PLPPR1: variants seen among roughly 807,000 people sequenced by gnomAD.
PLPPR1 encodes the protein phospholipid phosphatase-related protein type 1.
In PLPPR1, 10 loss-of-function variants were observed where a neutral mutation model predicts 33.1. The ratio of observed to expected loss-of-function variants is 0.30; its 90% CI spans 0.19 to 0.51. PLPPR1 has a LOEUF of 0.51. Ranked by LOEUF, PLPPR1 falls within the 20% of genes least tolerant of loss-of-function variation. PLPPR1 has a pLI of 0.97. For synonymous variants in PLPPR1, 151 were observed against 151.0 expected (o/e 1.00, Z 0.00); for missense variants, 304 against 408.1 (o/e 0.74, Z 2.20).
chr9:101,099,978 A>G (rs907004963), intron 1 of PLPPR1, among the ~76,000 whole-genome samples: 10 of 152,222 alleles, frequency 6.6e-5, no homozygotes, highest in African/African-American at 2.4e-4. Flanking sequence ...TTCTCAGTGT[A>G]TTGCAGTAAA....
intron 2 of PLPPR1, among the ~76,000 whole-genome samples, chr9:101,210,716 G>A (rs1457182172): frequency 1.3e-5 from 2 of 152,102 alleles, no homozygotes; most frequent in African/African-American, 4.8e-5. Context: ...ATTTTTAATT[G>A]TAATTGAACT....
intron 2 of PLPPR1, among the ~76,000 whole-genome samples, chr9:101,250,876 A>G (rs1337914405): frequency 1.3e-5 from 2 of 151,990 alleles, no homozygotes; most frequent in Non-Finnish European, 2.9e-5. Context: ...CACCTCCCCT[A>G]TTCTTTGGAG....
intron 2 of PLPPR1, among the ~76,000 whole-genome samples, chr9:101,237,979 C>CTATATATATATATATATATATA (rs367867610): frequency 1.1e-4 from 9 of 79,414 alleles, no homozygotes; most frequent in East Asian, 4.0e-4. Context: ...GCTATATAGC[C>CTATATATATATATATATATATA]TATATATATA....
chr9:101,164,429 C>T (rs1328260767), intron 1 of PLPPR1, among the ~76,000 whole-genome samples: 3 of 150,250 alleles, frequency 2.0e-5, no homozygotes, highest in African/African-American at 7.3e-5. Flanking sequence ...GAGGCACGAT[C>T]TTGGCTCATT....
At chr9:101,071,628 C>G (rs74415698) in intron 1 of PLPPR1, among the ~76,000 whole-genome samples, 55 of 100,330 alleles carry the variant, frequency 5.5e-4, no homozygotes, top group African/African-American at 1.4e-3. Context: ...GAGAGAGAGA[C>G]AGACAGAGAT....
At chr9:101,094,990 A>G (rs1214916763) in intron 1 of PLPPR1, among the ~76,000 whole-genome samples, 3 of 152,166 alleles carry the variant, frequency 2.0e-5, no homozygotes, top group African/African-American at 7.2e-5. Context: ...GCTGAACACA[A>G]GCTCCAGGCT....
chr9:101,210,476 C>T (rs753608375), intron 2 of PLPPR1, among the ~76,000 whole-genome samples: 8 of 152,080 alleles, frequency 5.3e-5, no homozygotes, highest in Non-Finnish European at 7.4e-5. Flanking sequence ...GCAGGGGGTA[C>T]TTGACTTTTT....
intron 1 of PLPPR1, among the ~76,000 whole-genome samples, chr9:101,029,742 G>A (rs948924761): frequency 6.6e-6 from 1 of 152,144 alleles, no homozygotes; most frequent in Admixed American, 6.5e-5. Context: ...TAAATGATGA[G>A]TTACTGACAG....
intron 7 of PLPPR1, among the ~76,000 whole-genome samples, chr9:101,321,583 G>C (rs531579369): frequency 3.9e-5 from 6 of 152,018 alleles, no homozygotes; most frequent in Admixed American, 6.6e-5. Context: ...CACTCACAAT[G>C]TACATGAGCA....
At chr9:101,240,508 T>C (rs1165133099) in intron 2 of PLPPR1, among the ~76,000 whole-genome samples, 1 of 149,534 alleles carries the variant, frequency 6.7e-6, no homozygotes, top group African/African-American at 2.5e-5. Context: ...ATCTTAACAA[T>C]ATCAATTCTT....
intron 1 of PLPPR1, among the ~76,000 whole-genome samples, chr9:101,118,639 G>T (rs943125322): frequency 3.9e-5 from 6 of 152,180 alleles, no homozygotes; most frequent in African/African-American, 7.2e-5. Flanking sequence ...GCCTACTTTA[G>T]ATCATGCTAA....
intron 2 of PLPPR1, among the ~76,000 whole-genome samples, chr9:101,223,579 AT>A (rs1247823369): frequency 6.6e-6 from 1 of 152,118 alleles, no homozygotes; most frequent in African/African-American, 2.4e-5. Context: ...GGTGGAGGTA[AT>A]TGAATTATGG....
intron 1 of PLPPR1, among the ~76,000 whole-genome samples, chr9:101,069,932 G>C (rs1455214271): frequency 6.6e-6 from 1 of 152,106 alleles, no homozygotes; most frequent in East Asian, 1.9e-4. Context: ...GTTTTCTCAT[G>C]ATTAACAGGG....
chr9:101,164,092 T>C (rs1825813236), intron 1 of PLPPR1, among the ~76,000 whole-genome samples: 1 of 152,200 alleles, frequency 6.6e-6, no homozygotes, highest in Non-Finnish European at 1.5e-5. Flanking sequence ...TGACCAGGTA[T>C]GTGGGTTAAG....
At chr9:101,268,015 A>G (rs1256863223) in intron 2 of PLPPR1, among the ~76,000 whole-genome samples, 2 of 152,138 alleles carry the variant, frequency 1.3e-5, no homozygotes, top group Non-Finnish European at 2.9e-5. Context: ...CGAAAAACCA[A>G]ACACCACATG....
chr9:101,323,910 G>A (rs953916424), intron 7 of PLPPR1, 115 bp from the exon 8 acceptor site: 27 of 721,876 alleles, frequency 3.7e-5, no homozygotes, highest in Admixed American at 2.4e-4. Flanking sequence ...TTAGGGGGAC[G>A]GAACAGCCTG....
chr9:101,223,482 T>C (rs2118798425), intron 2 of PLPPR1, among the ~76,000 whole-genome samples: 1 of 152,278 alleles, frequency 6.6e-6, no homozygotes, highest in East Asian at 1.9e-4. Context: ...GATGTATGAA[T>C]ATTGATATGG....
At chr9:101,185,319 T>A in intron 1 of PLPPR1, 131 bp from the exon 2 acceptor site, 1 of 470,634 alleles carries the variant, frequency 2.1e-6, no homozygotes, top group African/African-American at 2.0e-5. Context: ...GTGTTGTAGA[T>A]CACTGTATTG....
intron 3 of PLPPR1, among the ~76,000 whole-genome samples, chr9:101,273,858 A>G (rs1193728012): frequency 1.3e-5 from 2 of 152,208 alleles, no homozygotes; most frequent in Admixed American, 1.3e-4. Flanking sequence ...AAATGACCAA[A>G]CTTTAATAAG....
Sources: allele counts gnomAD v4.1 joint callset (sites outside exome capture counted in the v4.1 genomes callset), GRCh38; gene constraint gnomAD v4.1.1; transcripts MANE v1.5; gene names NCBI Gene and HGNC (gene_info 2026-07-23, HGNC 2026-07-21).